Variants in TICRR observed in about 807,000 individuals in gnomAD.
TICRR encodes TOPBP1 interacting checkpoint and replication regulator.
Under a neutral mutation model 178.1 loss-of-function variants are expected in TICRR, and 132 were observed. The ratio of observed to expected loss-of-function variants is 0.74; its 90% confidence interval spans 0.64 to 0.86. The LOEUF is 0.86. Among genes scored for constraint, TICRR ranks in the 40% least tolerant of loss-of-function variants. The pLI is 0.00. For missense variants in TICRR, 2,587 were observed against 2,334.3 expected (o/e 1.11, Z -2.23); for synonymous variants, 991 against 900.7 (o/e 1.10, Z -1.79).
intron 16 of TICRR, 70 bp downstream of exon 16, chr15:89,616,565 C>A: frequency 8.3e-7 from 1 of 1,206,684 alleles, no homozygotes; most frequent in Non-Finnish European, 1.2e-6. Flanking sequence ...TGGGCCACTA[C>A]TTCGCTTCTC....
intron 20 of TICRR, 56 bp from the exon 21 acceptor site, chr15:89,625,880 G>A: frequency 6.5e-7 from 1 of 1,543,424 alleles, no homozygotes; most frequent in Non-Finnish European, 8.7e-7. Flanking sequence ...TGGGAGGCCT[G>A]GGCTTCCCGG....
At position 89,625,709 on chromosome 15, in the gene TICRR, G is replaced by C. The variant is rs562686861; in HGVS notation, c.5399G>C (p.Ser1800Thr). ...ICDLREDSEV[S>T]KSKEGSPSWS... Reference sequence around the variant, plus strand: ...GACCTGAGAGAAGATTCAGAAGTTAGTAAGAGTAAAGAGGGGTCTCCAAGT... The same window carrying C: ...GACCTGAGAGAAGATTCAGAAGTTACTAAGAGTAAAGAGGGGTCTCCAAGT... The change falls in exon 20 of 22, where the codon AGT (serine) becomes ACT (threonine). Residue 1800 changes from serine to threonine, a missense_variant. Coordinates refer to ENST00000268138, the MANE Select transcript of TICRR (RefSeq NM_152259.4). 3.1e-6 allele frequency: 5 copies of C among 1,613,034 alleles called. No individual in the cohort carries two copies. In the African/African-American group the frequency reaches 5.3e-5, roughly 17 times the overall value.
chr15:89,600,655 A>C lies in TICRR; in HGVS notation c.2123A>C (p.Lys708Thr). ...TSKSLRQNLGKKLDKEDKVRE... is the reference protein window; with the variant it reads ...TSKSLRQNLGTKLDKEDKVRE... ...AAAAGTCTTCGACAGAATCTAGGAAAAAAACTGGATAAGGAAGACAAAGTT... is the reference window on the plus strand; with the variant it reads ...AAAAGTCTTCGACAGAATCTAGGAACAAAACTGGATAAGGAAGACAAAGTT... The change falls in exon 9 of 22, where the codon AAA (lysine) becomes ACA (threonine). Residue 708 changes from lysine to threonine, a missense_variant. By Grantham distance (78) the Lys-to-Thr change is moderately conservative (BLOSUM62 -1). Transcript: ENST00000268138. 6.3e-7 allele frequency: 1 copy of C among 1,592,128 alleles called. No homozygotes were observed. The highest frequency in any genetic ancestry group is 8.6e-7 in the Non-Finnish European group (1 of 1,166,100).
chr15:89,588,980 A>T (rs544206580), intron 4 of TICRR, among the ~76,000 whole-genome samples: 1 of 152,278 alleles, frequency 6.6e-6, no homozygotes, highest in East Asian at 1.9e-4. Context: ...AAGTGGAAAA[A>T]GAGCATGGCG....
chr15:89,599,204 C>A, intron 7 of TICRR, 120 bp from the exon 8 acceptor site: 1 of 746,822 alleles, frequency 1.3e-6, no homozygotes, highest in Non-Finnish European at 2.0e-6. Context: ...CATGACAATC[C>A]AGACAAGGCC....
In TICRR at chr15:89,575,645, A is replaced by G; in HGVS notation, c.59A>G (p.His20Arg). ...LLDTAGGAAR[H>R]SRVRRAALRL... ...GACACCGCGGGCGGCGCCGCCCGCC[A>G]CAGCCGGGTCCGGCGGGCCGCCCTG... The change falls in exon 1 of 22, where the codon CAC becomes CGC. Residue 20 changes from histidine to arginine, a missense_variant. Physicochemically the swap from His to Arg is conservative, Grantham distance 29. Transcript: ENST00000268138. 1 of 1,565,746 alleles carries G rather than the reference A, an allele frequency of 6.4e-7. No individual in the cohort carries two copies. The highest frequency in any genetic ancestry group is 1.2e-5 in the South Asian group (1 of 86,380).
chr15:89,577,850 G>A (rs973121385), intron 1 of TICRR, among the ~76,000 whole-genome samples: 1 of 151,584 alleles, frequency 6.6e-6, no homozygotes, highest in Non-Finnish European at 1.5e-5. Flanking sequence ...AGCTCAGGCA[G>A]TCCGCCAACC....
chr15:89,585,681 C>T (rs980697563), intron 3 of TICRR, 27 bp from the exon 4 acceptor site: 14 of 1,506,992 alleles, frequency 9.3e-6, no homozygotes, highest in Non-Finnish European at 1.3e-5. Context: ...CAATAATATT[C>T]TCAACTAATT....
rs550680673 is a variant in TICRR at position 89,613,884 on chromosome 15, G to A, written c.2870-2521G>A. On this transcript the variant is annotated intron_variant, in intron 15 of 21. Transcript: ENST00000268138. ...TAAAGTCTTGTTCTAGCCGGGCGCG[G>A]TGGCTCACGCCTGTAATCCCAGCAC... 7.8e-4 allele frequency among the ~76,000 whole-genome samples: 119 copies of A among 152,176 alleles called. 1 individual carries two copies. Among genetic ancestry groups the A allele is most frequent in the African/African-American group, 2.6e-3 (110 of 41,512 alleles).
In TICRR at chr15:89,601,865, A is replaced by C. The variant is rs761205905; in HGVS notation, c.2456A>C (p.Lys819Thr). Residue 819 changes from lysine (K) to threonine (T), a missense_variant, in exon 12 of 22, where the codon AAA becomes ACA. Lys to Thr is a moderately conservative substitution (Grantham distance 78). Coordinates refer to ENST00000268138, the MANE Select transcript of TICRR (RefSeq NM_152259.4). The stretch of plus-strand genomic sequence containing the variant: ...GATGACTCCATGACACAAGAGAACA[A>C]ATCACCACTTCTTTCTGTGCCTTTT... ...FSDDSMTQEN[K>T]SPLLSVPFLS... The C allele has an allele frequency of 6.2e-7, 1 of 1,614,150 alleles. No homozygotes were observed. Among genetic ancestry groups the C allele is most frequent in the Non-Finnish European group, 8.5e-7 (1 of 1,180,018 alleles).
At chr15:89,594,381 T>C (rs186175923) in intron 5 of TICRR, 34 bp from the exon 6 acceptor site, 86 of 1,557,744 alleles carry the variant, frequency 5.5e-5, no homozygotes, top group Admixed American at 1.7e-4. Context: ...AAAATTAGAA[T>C]GTTGGTTTTA....
chr15:89,616,269 T>G (rs1963333884), intron 15 of TICRR, 136 bp from the exon 16 acceptor site: 3 of 667,164 alleles, frequency 4.5e-6, no homozygotes, highest in Non-Finnish European at 2.6e-6. Flanking sequence ...ACCATAGAAC[T>G]TAGCCCAAAG....
rs750586437 is a variant in TICRR at position 89,623,919 on chromosome 15, G to A, written c.3609G>A (p.Pro1203=). 2.4e-5 allele frequency: 39 copies of A among 1,613,948 alleles called. No homozygotes were observed. The East Asian group carries it at 2.7e-4, about 11-fold the overall frequency. Residue 1203 remains proline (P), a synonymous_variant, in exon 20 of 22, where the codon CCG becomes CCA. Transcript: ENST00000268138. ...PRTPKRQGTQ[P]PGFLPNCTWP... ...CTCCTAAGAGGCAAGGTACTCAGCC[G>A]CCTGGGTTTTTGCCAAACTGTACTT...
At position 89,624,503 on chromosome 15, in the gene TICRR, GTC is replaced by G; in HGVS notation, c.4194_4195del (p.Cys1398Ter). The G allele has an allele frequency of 6.2e-7, 1 of 1,614,122 alleles. No homozygotes were observed. The highest frequency in any genetic ancestry group is 8.5e-7 in the Non-Finnish European group (1 of 1,180,032). On this transcript the variant is annotated stop_gained and frameshift_variant, in exon 20 of 22. Transcript: ENST00000268138. LOFTEE classifies it high-confidence loss of function. ...GATCCCAGAAGGAGCATCGTGGAGTGTCAGCCTGATGCCTCCGCTACTCCTGG... is the reference window on the plus strand; with the variant it reads ...GATCCCAGAAGGAGCATCGTGGAGTGAGCCTGATGCCTCCGCTACTCCTGG...
At chr15:89,601,106 A>G (rs189900359) in intron 9 of TICRR, among the ~76,000 whole-genome samples, 192 bp from the exon 10 acceptor site, 65 of 151,408 alleles carry the variant, frequency 4.3e-4, no homozygotes, top group South Asian at 1.5e-3. Flanking sequence ...TTTGTAGCCA[A>G]TTCTTTTTTA....
At chr15:89,603,278 C>G (rs534315889) in intron 13 of TICRR, among the ~76,000 whole-genome samples, 1 of 152,248 alleles carries the variant, frequency 6.6e-6, no homozygotes, top group African/African-American at 2.4e-5. Flanking sequence ...TTATATTTTA[C>G]TTTAATAACA....
At chr15:89,591,963 C>G in intron 4 of TICRR, 84 bp from the exon 5 acceptor site, 2 of 1,318,010 alleles carry the variant, frequency 1.5e-6, no homozygotes, top group East Asian at 2.4e-5. Flanking sequence ...TGCAGTCAGT[C>G]CAGGGGAGGA....
rs1156963345 is a variant in TICRR, at chr15:89,575,528, G to A, written c.-59G>A. 7.8e-6 allele frequency: 11 copies of A among 1,417,120 alleles called. No individual in the cohort carries two copies. Among genetic ancestry groups the A allele is most frequent in the Non-Finnish European group, 1.0e-5 (11 of 1,084,874 alleles). The allele number at this position is 1,417,120 out of a possible 1,614,324, so 87.8% of individuals were successfully genotyped here. On this transcript the variant is annotated 5_prime_UTR_variant, in exon 1 of 22. Coordinates refer to ENST00000268138, the MANE Select transcript of TICRR (RefSeq NM_152259.4). Reference sequence around the variant, plus strand: ...AGTGGTGCTGTTTCCCTGAAGGAAGGGACTAAGGGACGGTGGCGCGGGCCC... The same window carrying A: ...AGTGGTGCTGTTTCCCTGAAGGAAGAGACTAAGGGACGGTGGCGCGGGCCC...
chr15:89,618,927 C>T (rs1404913931), intron 17 of TICRR, among the ~76,000 whole-genome samples: 1 of 152,134 alleles, frequency 6.6e-6, no homozygotes, highest in Non-Finnish European at 1.5e-5. Flanking sequence ...CCTCTGCACT[C>T]CAGCCTAGCG....
Sources: allele counts gnomAD v4.1 joint callset (sites outside exome capture counted in the v4.1 genomes callset), GRCh38; gene constraint gnomAD v4.1.1; transcripts MANE v1.5; gene names NCBI Gene and HGNC (gene_info 2026-07-23, HGNC 2026-07-21).